MXRA7: variants seen among roughly 807,000 people sequenced by gnomAD.
MXRA7 encodes matrix remodeling associated 7.
A neutral mutation model predicts 17.4 loss-of-function variants in MXRA7; 18 were observed. The observed-to-expected ratio is 1.03, with a 90% confidence interval of 0.71 to 1.53. The LOEUF (loss-of-function observed/expected upper bound fraction) is 1.53, where lower values mean the gene tolerates loss of function less well. Ranked by LOEUF, MXRA7 falls within the 40% of genes most tolerant of loss-of-function variation. MXRA7 has a pLI of 0.00. For missense variants in MXRA7, 141 were observed against 209.3 expected, an observed-to-expected ratio of 0.67 and a Z score of 2.01; for synonymous variants, 70 against 101.7, an observed-to-expected ratio of 0.69 and a Z score of 1.87.
At chr17:76,678,724 C>A (rs1174222505), downstream of MXRA7, among the ~76,000 whole-genome samples, 2 of 152,212 alleles carry the variant, frequency 1.3e-5, no homozygotes, top group African/African-American at 4.8e-5. Context: ...CTCAGCATAG[C>A]CCTGGGCCAC....
chr17:76,694,432 G>C (rs1270508319), intron 1 of MXRA7, among the ~76,000 whole-genome samples: 2 of 152,132 alleles, frequency 1.3e-5, no homozygotes, highest in Non-Finnish European at 2.9e-5. Flanking sequence ...GATAGCCATG[G>C]AATGTTTTTT....
chr17:76,705,482 A>G (rs2076645327), intron 1 of MXRA7, among the ~76,000 whole-genome samples: 1 of 151,566 alleles, frequency 6.6e-6, no homozygotes. Context: ...GATTATTTCT[A>G]GTTTTTTCCC....
chr17:76,695,501 C>T (rs558329986), intron 1 of MXRA7, among the ~76,000 whole-genome samples: 3 of 152,168 alleles, frequency 2.0e-5, no homozygotes, highest in Non-Finnish European at 4.4e-5. Flanking sequence ...TCATAGCACG[C>T]CCATCTTTCC....
chr17:76,694,196 CGTT>C (rs2076508390), intron 1 of MXRA7, among the ~76,000 whole-genome samples: 2 of 152,124 alleles, frequency 1.3e-5, no homozygotes, highest in African/African-American at 4.8e-5. Flanking sequence ...TGGAGAGACT[CGTT>C]GGAGAGCCCC....
At chr17:76,677,184 C>T (rs148880461), downstream of MXRA7, 55 of 157,288 alleles carry the variant, frequency 3.5e-4, 1 homozygote, top group African/African-American at 1.0e-3. Flanking sequence ...CCCAGCTACT[C>T]GGGAGGCTGA....
In MXRA7 at chr17:76,686,164, G is replaced by A. The variant is rs8077533; in HGVS notation, c.407-999C>T. On this transcript the variant is annotated intron_variant, in intron 2 of 3. Coordinates refer to ENST00000449428, the MANE Select transcript of MXRA7 (RefSeq NM_198530.4). The stretch of plus-strand genomic sequence containing the variant: ...GGGGCTCTCAGGGTGAAAGGAAGAA[G>A]GTTCTAGATGCGAATTCAGAACCCA... Among the ~76,000 whole-genome samples, 690 of 152,294 alleles carry A rather than the reference G, an allele frequency of 4.5e-3. 3 individuals carry two copies. The highest frequency in any genetic ancestry group is 0.016 in the African/African-American group (663 of 41,560).
At chr17:76,688,612 A>G (rs1374380932) in intron 1 of MXRA7, 2 of 1,248,642 alleles carry the variant, frequency 1.6e-6, no homozygotes, top group Middle Eastern at 2.0e-4. Context: ...GCTTCCTTCT[A>G]TGTTGTTTTC....
chr17:76,706,430 GGACCACACTGCCATCAAAA>G (rs1169903677), intron 1 of MXRA7, among the ~76,000 whole-genome samples: 55 of 146,692 alleles, frequency 3.7e-4, no homozygotes, highest in Admixed American at 6.7e-4. Flanking sequence ...CCATCACAAA[GGACCACACTGCCATCAAAA>G]AGGACCACAC....
At chr17:76,707,091 AC>A (rs2076671046) in intron 1 of MXRA7, among the ~76,000 whole-genome samples, 1 of 152,154 alleles carries the variant, frequency 6.6e-6, no homozygotes, top group Non-Finnish European at 1.5e-5. Context: ...AGCTTACCTA[AC>A]ACAGCCATTC....
downstream of MXRA7, chr17:76,677,759 G>T: frequency 7.8e-7 from 1 of 1,288,272 alleles, no homozygotes; most frequent in South Asian, 1.2e-5. Flanking sequence ...TGGGGAGAGA[G>T]GGAGCCTGTG....
At chr17:76,704,251 G>A (rs2076628791) in intron 1 of MXRA7, among the ~76,000 whole-genome samples, 1 of 126,324 alleles carries the variant, frequency 7.9e-6, no homozygotes, top group Non-Finnish European at 1.6e-5. Context: ...TGTCGCCCAG[G>A]CTGGAGTGCA....
intron 1 of MXRA7, among the ~76,000 whole-genome samples, chr17:76,697,404 G>T (rs184250522): frequency 6.6e-6 from 1 of 152,274 alleles, no homozygotes; most frequent in African/African-American, 2.4e-5. Flanking sequence ...CCCGGTCTGT[G>T]GTGTTTTGTT....
At chr17:76,710,369 CCAAA>C (rs1424428423) in intron 1 of MXRA7, among the ~76,000 whole-genome samples, 1 of 152,194 alleles carries the variant, frequency 6.6e-6, no homozygotes, top group African/African-American at 2.4e-5. Context: ...CAAAACACCT[CCAAA>C]CAAACTCCTT....
At chr17:76,676,823 T>C (rs1207822999), downstream of MXRA7, 1 of 152,288 alleles carries the variant, frequency 6.6e-6, no homozygotes, top group Non-Finnish European at 1.5e-5. Context: ...GAGGAGGATT[T>C]TGTGCGCCTG....
At chr17:76,684,726 A>G (rs2076362836) in intron 3 of MXRA7, 3 of 413,928 alleles carry the variant, frequency 7.2e-6, no homozygotes, top group South Asian at 5.8e-5. Flanking sequence ...TGTGAGTGAC[A>G]GCCAGGTCTG....
intron 2 of MXRA7, among the ~76,000 whole-genome samples, chr17:76,687,616 G>A (rs768739128): frequency 1.2e-4 from 19 of 152,308 alleles, no homozygotes; most frequent in Admixed American, 2.6e-4. Context: ...CCCTGTTCTC[G>A]GTCACTCCCT....
chr17:76,678,631 C>A (rs1008398136), downstream of MXRA7, among the ~76,000 whole-genome samples: 3 of 152,226 alleles, frequency 2.0e-5, no homozygotes, highest in Admixed American at 1.3e-4. Context: ...AGAACGTAAA[C>A]CACATCACAG....
downstream of MXRA7, chr17:76,679,480 A>G: frequency 2.5e-6 from 1 of 404,690 alleles, no homozygotes; most frequent in Non-Finnish European, 3.3e-6. Flanking sequence ...GCAGAGTAAG[A>G]GGCATCAAAA....
chr17:76,708,547 G>A (rs73359009), intron 1 of MXRA7, among the ~76,000 whole-genome samples: 4 of 152,164 alleles, frequency 2.6e-5, no homozygotes, highest in African/African-American at 9.7e-5. Flanking sequence ...AGAAAGCACT[G>A]GAAGCTCTTG....
Sources: allele counts gnomAD v4.1 joint callset (sites outside exome capture counted in the v4.1 genomes callset), GRCh38; gene constraint gnomAD v4.1.1; transcripts MANE v1.5; gene names NCBI Gene and HGNC (gene_info 2026-07-23, HGNC 2026-07-21).